The following ZC3H18 variants were observed in gnomAD, a reference collection of about 807,000 sequenced individuals.
ZC3H18 encodes the protein zinc finger CCCH domain-containing protein 18.
A neutral mutation model predicts 106.1 loss-of-function variants in ZC3H18; 8 were observed. That is an observed-to-expected ratio of 0.08 (90% confidence interval 0.04 to 0.14). The LOEUF is 0.14. Among genes scored for constraint, ZC3H18 ranks in the 10% least tolerant of loss-of-function variants. The pLI, the probability that ZC3H18 is intolerant of heterozygous loss-of-function variation, is 1.00. For synonymous variants in ZC3H18, 635 were observed against 522.1 expected (o/e 1.22, Z -2.95); for missense variants, 1,318 against 1,278.4 (o/e 1.03, Z -0.47).
At chr16:88,625,143 AGGCCGCGAGG>A (rs1171626237) in intron 12 of ZC3H18, 49 bp from the exon 13 acceptor site, 1 of 1,544,526 alleles carries the variant, frequency 6.5e-7, no homozygotes, top group Non-Finnish European at 8.8e-7. Flanking sequence ...TGGGGAGGGG[AGGCCGCGAGG>A]GGCTGTGGAG....
chr16:88,615,642 A>C (rs981922307), intron 8 of ZC3H18, among the ~76,000 whole-genome samples: 11 of 152,152 alleles, frequency 7.2e-5, no homozygotes, highest in Admixed American at 6.5e-4. Flanking sequence ...CGCCACCCAG[A>C]TCATTGGTTT....
At chr16:88,582,084 G>A (rs1317253335) in intron 2 of ZC3H18, among the ~76,000 whole-genome samples, 2 of 152,164 alleles carry the variant, frequency 1.3e-5, no homozygotes, top group Non-Finnish European at 2.9e-5. Context: ...GCAGCGCAGT[G>A]GGCCCTGTCC....
chr16:88,587,318 TGGG>T (rs1915495773), intron 3 of ZC3H18, among the ~76,000 whole-genome samples: 1 of 152,218 alleles, frequency 6.6e-6, no homozygotes, highest in Non-Finnish European at 1.5e-5. Flanking sequence ...CTTAATGTCT[TGGG>T]GGATTCGGAA....
chr16:88,608,832 A>T, intron 6 of ZC3H18, 102 bp from the exon 7 acceptor site: 1 of 955,416 alleles, frequency 1.0e-6, no homozygotes, highest in South Asian at 1.7e-5. Flanking sequence ...AGTAAACCCC[A>T]CTGCGTCACG....
chr16:88,586,495 C>A (rs1915443142), intron 2 of ZC3H18, 105 bp from the exon 3 acceptor site: 1 of 903,610 alleles, frequency 1.1e-6, no homozygotes, highest in Admixed American at 1.9e-5. Context: ...ATTCCTGTGA[C>A]AATATCCAGG....
intron 3 of ZC3H18, chr16:88,587,658 C>G (rs1293584544): frequency 6.7e-7 from 1 of 1,493,240 alleles, no homozygotes; most frequent in African/African-American, 1.4e-5. Context: ...CTTAAAGTCC[C>G]CCTACTCCAG....
intron 2 of ZC3H18, among the ~76,000 whole-genome samples, chr16:88,578,796 T>C (rs909233455): frequency 6.6e-6 from 1 of 152,140 alleles, no homozygotes; most frequent in African/African-American, 2.4e-5. Flanking sequence ...GTTCAGGCAA[T>C]TATCCTGCCT....
At chr16:88,611,864 G>C (rs998875630) in intron 8 of ZC3H18, among the ~76,000 whole-genome samples, 1 of 152,208 alleles carries the variant, frequency 6.6e-6, no homozygotes, top group African/African-American at 2.4e-5. Context: ...TACCACGCAC[G>C]GTGTGTAACT....
chr16:88,623,613 C>T (rs867427450), intron 10 of ZC3H18: 9 of 578,898 alleles, frequency 1.6e-5, no homozygotes, highest in South Asian at 1.5e-4. Context: ...GCAGACAGGC[C>T]GAGGAAGGGG....
chr16:88,628,755 C>A lies in ZC3H18; in HGVS notation c.2470-3C>A, dbSNP rs1284850149. ...GTCCTCACTGGCCTCTCTCTTGTCC[C>A]AGGCGGCTGATAAAGGAAGCAGGAA... is the stretch of plus-strand genomic sequence containing the variant. On this transcript the variant is annotated splice_polypyrimidine_tract_variant and splice_region_variant and intron_variant, in intron 15 of 17. Coordinates refer to ENST00000301011, the MANE Select transcript of ZC3H18 (RefSeq NM_144604.4). 1 of 1,613,926 alleles carries A rather than the reference C, an allele frequency of 6.2e-7. No individual in the cohort carries two copies. Among genetic ancestry groups the A allele is most frequent in the Non-Finnish European group, 8.5e-7 (1 of 1,179,916 alleles).
chr16:88,595,474 C>CTTTTTTTTT (rs11302563), intron 3 of ZC3H18, among the ~76,000 whole-genome samples: 6 of 133,538 alleles, frequency 4.5e-5, no homozygotes, highest in Admixed American at 7.5e-5. Flanking sequence ...TTCTTTCTTT[C>CTTTTTTTTT]TTTTTTTTTT....
chr16:88,596,933 T>C (rs888944528), intron 3 of ZC3H18, among the ~76,000 whole-genome samples: 8 of 152,178 alleles, frequency 5.3e-5, no homozygotes, highest in African/African-American at 1.9e-4. Flanking sequence ...TTTTTTGTTG[T>C]TGTTTTTGAG....
chr16:88,631,151 T>G lies in ZC3H18; in HGVS notation c.2714T>G (p.Val905Gly), dbSNP rs745605224. 1 of 1,613,346 alleles carries G rather than the reference T, an allele frequency of 6.2e-7. No homozygotes were observed. Among genetic ancestry groups the G allele is most frequent in the Non-Finnish European group, 8.5e-7 (1 of 1,180,024 alleles). Residue 905 changes from valine (V) to glycine (G), a missense_variant, in exon 18 of 18, where the codon GTG (valine) becomes GGG (glycine). Physicochemically the swap from Val to Gly is moderately radical, Grantham distance 109. Coordinates refer to ENST00000301011, the MANE Select transcript of ZC3H18 (RefSeq NM_144604.4). Reference sequence around the variant, plus strand: ...AAGAGCTCCAGCAAGGTCACGAGCGTGCCCGGCAAAGCCTCGGATCCCGGC... The same window carrying G: ...AAGAGCTCCAGCAAGGTCACGAGCGGGCCCGGCAAAGCCTCGGATCCCGGC... Reference protein sequence around the residue: ...QSKSSSKVTSVPGKASDPGAA... With the variant: ...QSKSSSKVTSGPGKASDPGAA...
At chr16:88,623,065 G>C (rs1305764591) in intron 9 of ZC3H18, 154 bp from the exon 10 acceptor site, 47 of 1,066,918 alleles carry the variant, frequency 4.4e-5, no homozygotes. Flanking sequence ...GTATGCGTCT[G>C]TGCGCGCGTC....
At position 88,622,179 on chromosome 16, in the gene ZC3H18, A is replaced by G. The variant is rs1906007542; in HGVS notation, c.1476-18A>G. 6.2e-7 allele frequency: 1 copy of G among 1,602,382 alleles called. No homozygotes were observed. Among genetic ancestry groups the G allele is most frequent in the Non-Finnish European group, 8.5e-7 (1 of 1,172,046 alleles). The stretch of plus-strand genomic sequence containing the variant: ...GCGGAAGGTGGCCTGAGAGTTGCTA[A>G]TGCCTCTGTAATTTCAGCCGCCAAG... On this transcript the variant is annotated intron_variant, in intron 8 of 17. Transcript: ENST00000301011.
intron 1 of ZC3H18, among the ~76,000 whole-genome samples, chr16:88,575,631 G>A (rs77267867): frequency 0.02 from 3,023 of 152,082 alleles, 115 homozygotes; most frequent in African/African-American, 0.068. Context: ...TTTTGAGGAG[G>A]GAAACTCGAA....
At chr16:88,630,683 G>A in intron 17 of ZC3H18, 102 bp downstream of exon 17, 1 of 1,006,914 alleles carries the variant, frequency 9.9e-7, no homozygotes, top group Non-Finnish European at 1.5e-6. Context: ...GGGCCAGGCT[G>A]GAGGCGTCAC....
At chr16:88,586,514 G>A (rs961140424) in intron 2 of ZC3H18, 86 bp from the exon 3 acceptor site, 5 of 1,108,248 alleles carry the variant, frequency 4.5e-6, no homozygotes, top group African/African-American at 3.1e-5. Flanking sequence ...GGTTCCACAC[G>A]CAGCTTCCTG....
intron 1 of ZC3H18, among the ~76,000 whole-genome samples, chr16:88,574,554 TCTCA>T (rs977785242): frequency 1.3e-5 from 2 of 150,832 alleles, no homozygotes; most frequent in African/African-American, 4.9e-5. Context: ...TGAGTCAGGG[TCTCA>T]CTCTGTCACC....
Sources: allele counts gnomAD v4.1 joint callset (sites outside exome capture counted in the v4.1 genomes callset), GRCh38; gene constraint gnomAD v4.1.1; transcripts MANE v1.5; gene names NCBI Gene and HGNC (gene_info 2026-07-23, HGNC 2026-07-21).